Variants in MEGF9 observed in about 807,000 individuals in gnomAD.
MEGF9 encodes the protein multiple EGF like domains 9.
A neutral mutation model predicts 46.8 loss-of-function variants in MEGF9; 6 were observed. The ratio of observed to expected loss-of-function variants is 0.13; its 90% CI spans 0.07 to 0.25. The LOEUF is 0.25. Among genes scored for constraint, MEGF9 ranks in the 10% least tolerant of loss-of-function variants. MEGF9 has a pLI of 1.00. For missense variants in MEGF9, 683 were observed against 792.4 expected (o/e 0.86, Z 1.66); for synonymous variants, 302 against 330.7 (o/e 0.91, Z 0.94).
At chr9:120,618,921 T>A (rs2043485325) in intron 3 of MEGF9, among the ~76,000 whole-genome samples, 1 of 151,784 alleles carries the variant, frequency 6.6e-6, no homozygotes, top group Admixed American at 6.6e-5. Flanking sequence ...AGATTTTTAG[T>A]ACTTCTCTTT....
At chr9:120,701,794 T>C (rs537659832) in intron 1 of MEGF9, among the ~76,000 whole-genome samples, 4 of 152,264 alleles carry the variant, frequency 2.6e-5, no homozygotes, top group East Asian at 1.9e-4. Context: ...CCTGTAATCC[T>C]AGCACTTTGG....
At chr9:120,659,241 G>C in intron 2 of MEGF9, 133 bp downstream of exon 2, 1 of 559,540 alleles carries the variant, frequency 1.8e-6, no homozygotes, top group South Asian at 3.2e-5. Flanking sequence ...GAGAATAAAA[G>C]TATATAAAAT....
intron 1 of MEGF9, among the ~76,000 whole-genome samples, chr9:120,662,640 T>C (rs909437803): frequency 1.3e-5 from 2 of 152,208 alleles, no homozygotes; most frequent in African/African-American, 4.8e-5. Context: ...TACCACTCAG[T>C]CCCAATACTT....
intron 1 of MEGF9, among the ~76,000 whole-genome samples, chr9:120,680,852 T>C (rs911198869): frequency 5.9e-5 from 9 of 152,096 alleles, no homozygotes; most frequent in Admixed American, 4.6e-4. Context: ...TCGATGTTCA[T>C]TTAAGGCCCA....
At chr9:120,662,416 T>C (rs569469092) in intron 1 of MEGF9, among the ~76,000 whole-genome samples, 3 of 152,200 alleles carry the variant, frequency 2.0e-5, no homozygotes, top group Non-Finnish European at 2.9e-5. Context: ...CTATTATGAA[T>C]CCATAACAAT....
intron 2 of MEGF9, among the ~76,000 whole-genome samples, chr9:120,650,816 T>G (rs2043646196): frequency 6.6e-6 from 1 of 152,040 alleles, no homozygotes; most frequent in African/African-American, 2.4e-5. Context: ...ACTGGAATTT[T>G]CATGTTTTTT....
chr9:120,686,298 T>C (rs1324559208), intron 1 of MEGF9, among the ~76,000 whole-genome samples: 1 of 152,072 alleles, frequency 6.6e-6, no homozygotes, highest in African/African-American at 2.4e-5. Flanking sequence ...CACTGTGGTC[T>C]CAATCTCCTA....
intron 4 of MEGF9, among the ~76,000 whole-genome samples, chr9:120,611,861 A>AGAGAGAG (rs1554794248): frequency 7.4e-5 from 9 of 121,394 alleles, no homozygotes; most frequent in African/African-American, 2.4e-4. Flanking sequence ...GGAAGGAAGG[A>AGAGAGAG]AGAAAGAGAG....
intron 1 of MEGF9, among the ~76,000 whole-genome samples, chr9:120,677,217 C>T (rs951275591): frequency 1.3e-5 from 2 of 152,062 alleles, no homozygotes; most frequent in African/African-American, 4.8e-5. Context: ...CAGCCTCAAC[C>T]TCCTTGCCTC....
At chr9:120,629,510 C>T (rs1049101442) in intron 2 of MEGF9, among the ~76,000 whole-genome samples, 2 of 152,112 alleles carry the variant, frequency 1.3e-5, no homozygotes, top group Non-Finnish European at 2.9e-5. Context: ...TGGTGGCACA[C>T]GGCTGTAATT....
Position 120,714,109 on chromosome 9 carries a change from G to T in MEGF9, c.250C>A (p.Arg84Ser), listed in dbSNP as rs903747100. 13 of 1,245,208 alleles carry T rather than the reference G, an allele frequency of 1.0e-5. No individual in the cohort carries two copies. Among genetic ancestry groups the T allele is most frequent in the African/African-American group, 1.5e-5 (1 of 64,650 alleles). 77.1% of individuals were successfully genotyped at this position (1,245,208 alleles called of 1,614,324 possible). A position where few individuals can be genotyped will look rare whatever the true frequency, so the allele number is the denominator to read the frequency against. ...TAQAPRTGPP[R>S]ATVHRPLAAT... ...GCCAGGGGTCGGTGGACGGTGGCGC[G>T]CGGGGGCCCGGTCCTCGGGGCCTGG... Residue 84 changes from arginine (R) to serine (S), a missense_variant, in exon 1 of 6, where the codon CGC becomes AGC. Transcript: ENST00000373930.
In MEGF9 at chr9:120,652,142, G is replaced by GCACA. The variant is rs869130385; in HGVS notation, c.803+7228_803+7231dup. On this transcript the variant is annotated intron_variant, in intron 2 of 5. Coordinates refer to ENST00000373930, the MANE Select transcript of MEGF9 (RefSeq NM_001080497.3). ...TTCCTCAGTTAAAACAAACAAACAA[G>GCACA]CACACACACACACACACACACACAC... Among the ~76,000 whole-genome samples the GCACA allele has an allele frequency of 3.8e-3, 100 of 26,150 alleles. 5 individuals are homozygous for GCACA. Among genetic ancestry groups the GCACA allele is most frequent in the Admixed American group, 6.8e-3 (8 of 1,168 alleles). The allele number at this position is 26,150 out of a possible 152,430, so 17.2% of individuals were successfully genotyped here. A position where few individuals can be genotyped will look rare whatever the true frequency, so the allele number is the denominator to read the frequency against.
At chr9:120,619,174 C>T (rs7873325) in intron 3 of MEGF9, among the ~76,000 whole-genome samples, 6 of 151,898 alleles carry the variant, frequency 4.0e-5, no homozygotes, top group South Asian at 2.1e-4. Flanking sequence ...GGCAAAACCC[C>T]GTCTCTACTA....
At chr9:120,681,220 C>T (rs1478508566) in intron 1 of MEGF9, among the ~76,000 whole-genome samples, 2 of 152,134 alleles carry the variant, frequency 1.3e-5, no homozygotes, top group Non-Finnish European at 2.9e-5. Context: ...TATTCAGGGC[C>T]CAAGGGCTCT....
chr9:120,678,120 A>G (rs2043781709), intron 1 of MEGF9, among the ~76,000 whole-genome samples: 1 of 152,142 alleles, frequency 6.6e-6, no homozygotes, highest in Non-Finnish European at 1.5e-5. Context: ...AAATGACAGG[A>G]TCTTATTCTG....
chr9:120,659,084 A>G (rs531256535), intron 2 of MEGF9, among the ~76,000 whole-genome samples: 4 of 152,346 alleles, frequency 2.6e-5, no homozygotes, highest in African/African-American at 9.6e-5. Context: ...CCCTTCCAGA[A>G]AGCAGATTTA....
At chr9:120,632,112 G>T (rs1328677389) in intron 2 of MEGF9, among the ~76,000 whole-genome samples, 2 of 152,102 alleles carry the variant, frequency 1.3e-5, no homozygotes, top group Non-Finnish European at 2.9e-5. Flanking sequence ...ATTTTTAGTA[G>T]AGACAGGTTT....
intron 3 of MEGF9, among the ~76,000 whole-genome samples, chr9:120,617,835 T>C (rs140075960): frequency 6.6e-6 from 1 of 152,272 alleles, no homozygotes; most frequent in African/African-American, 2.4e-5. Flanking sequence ...TCAGGGTATG[T>C]TTTGAAGATA....
chr9:120,607,244 G>A (rs902043860), intron 5 of MEGF9, among the ~76,000 whole-genome samples: 1 of 152,052 alleles, frequency 6.6e-6, no homozygotes, highest in Non-Finnish European at 1.5e-5. Flanking sequence ...TTTGCCATGT[G>A]GATAACTTTT....
Sources: allele counts gnomAD v4.1 joint callset (sites outside exome capture counted in the v4.1 genomes callset), GRCh38; gene constraint gnomAD v4.1.1; transcripts MANE v1.5; gene names NCBI Gene and HGNC (gene_info 2026-07-23, HGNC 2026-07-21).